The following TRAF2 variants were observed in gnomAD, a reference collection of about 807,000 sequenced individuals.
The protein encoded by TRAF2 is TNF receptor associated factor 2, also known as TNF receptor-associated factor 2.
A neutral mutation model predicts 55.6 loss-of-function variants in TRAF2; 6 were observed. The ratio of observed to expected loss-of-function variants is 0.11; its 90% CI spans 0.06 to 0.21. The LOEUF (loss-of-function observed/expected upper bound fraction) is 0.21, where lower values mean the gene tolerates loss of function less well. Among genes scored for constraint, TRAF2 ranks in the 10% least tolerant of loss-of-function variants. TRAF2 has a pLI of 1.00. For missense variants in TRAF2, 561 were observed against 684.5 expected (o/e 0.82, Z 2.01); for synonymous variants, 329 against 276.3 (o/e 1.19, Z -1.89).
chr9:136,926,251 C>T lies in TRAF2; in HGVS notation c.*350C>T, dbSNP rs1487015165. 3 of 414,530 alleles carry T rather than the reference C, an allele frequency of 7.2e-6. No individual in the cohort carries two copies. Among genetic ancestry groups the T allele is most frequent in the African/African-American group, 4.1e-5 (2 of 48,964 alleles). 25.7% of individuals were successfully genotyped at this position (414,530 alleles called of 1,614,324 possible). On this transcript the variant is annotated 3_prime_UTR_variant, in exon 11 of 11. Transcript: ENST00000247668. Reference sequence around the variant, plus strand: ...CACTCAGAGTGGGAGCACATCCCAGCAGTGCCCATGTAGCAGGAGCACAGT... The same window carrying T: ...CACTCAGAGTGGGAGCACATCCCAGTAGTGCCCATGTAGCAGGAGCACAGT...
chr9:136,918,264 TAATTAATTA>T (rs1850294440), intron 7 of TRAF2, among the ~76,000 whole-genome samples: 1 of 12,438 alleles, frequency 8.0e-5, no homozygotes, highest in African/African-American at 4.4e-4. Flanking sequence ...TATATTTATT[TAATTAATTA>T]ATTTATTTAT....
intron 4 of TRAF2, among the ~76,000 whole-genome samples, chr9:136,905,200 C>T (rs1246536082): frequency 2.0e-5 from 3 of 152,244 alleles, no homozygotes; most frequent in Admixed American, 2.0e-4. Flanking sequence ...ATGAAGGGCC[C>T]CGCAGCCAGG....
At chr9:136,924,771 G>A (rs775268408) in intron 10 of TRAF2, among the ~76,000 whole-genome samples, 3 of 151,970 alleles carry the variant, frequency 2.0e-5, no homozygotes, top group Non-Finnish European at 2.9e-5. Context: ...ACGGAGTCTT[G>A]CTCTGTCGCC....
chr9:136,902,205 C>T (rs188933322), intron 4 of TRAF2: 2 of 152,302 alleles, frequency 1.3e-5, no homozygotes, highest in African/African-American at 2.4e-5. Flanking sequence ...TTGTACCCCC[C>T]ACTCCCTGCT....
At chr9:136,899,995 ATC>A (rs1189966047) in intron 3 of TRAF2, among the ~76,000 whole-genome samples, 1 of 152,120 alleles carries the variant, frequency 6.6e-6, no homozygotes, top group African/African-American at 2.4e-5. Context: ...GTGAAACCCC[ATC>A]TCTACCAGAA....
At chr9:136,920,574 G>A (rs544435338) in intron 8 of TRAF2, 59 bp downstream of exon 8, 43 of 1,527,360 alleles carry the variant, frequency 2.8e-5, no homozygotes, top group Middle Eastern at 1.8e-4. Context: ...GATAGTGTTC[G>A]TGCCCCAGCA....
At chr9:136,908,709 A>G (rs1309522437) in intron 5 of TRAF2, among the ~76,000 whole-genome samples, 1 of 152,080 alleles carries the variant, frequency 6.6e-6, no homozygotes, top group Non-Finnish European at 1.5e-5. Flanking sequence ...TACTAAAAAT[A>G]CAAAAACAAA....
intron 1 of TRAF2, among the ~76,000 whole-genome samples, chr9:136,886,959 C>T (rs1377626833): frequency 2.0e-5 from 3 of 152,176 alleles, no homozygotes; most frequent in Non-Finnish European, 4.4e-5. Context: ...TCCCCGAAGC[C>T]CCGCACCCTC....
At chr9:136,910,971 C>G (rs900560588) in intron 6 of TRAF2, among the ~76,000 whole-genome samples, 7 of 152,234 alleles carry the variant, frequency 4.6e-5, no homozygotes, top group Non-Finnish European at 8.8e-5. Flanking sequence ...CCTTCAGAGG[C>G]CAGGACGCCT....
chr9:136,902,954 T>C (rs1849855784), intron 4 of TRAF2, among the ~76,000 whole-genome samples: 1 of 148,798 alleles, frequency 6.7e-6, no homozygotes, highest in Non-Finnish European at 1.5e-5. Flanking sequence ...TTCTAGGAAC[T>C]GAATGATTTT....
chr9:136,899,813 C>A, intron 3 of TRAF2, 141 bp downstream of exon 3: 1 of 736,636 alleles, frequency 1.4e-6, no homozygotes, highest in South Asian at 1.7e-5. Context: ...TTGCTTGAGT[C>A]CAGGAGTTTG....
intron 7 of TRAF2, among the ~76,000 whole-genome samples, chr9:136,917,459 TTG>T (rs1850269577): frequency 6.6e-6 from 1 of 152,184 alleles, no homozygotes. Flanking sequence ...CCTCGTGTCT[TTG>T]TCTCTTGTCC....
chr9:136,923,734 G>A (rs11794110), intron 9 of TRAF2, 118 bp from the exon 10 acceptor site: 1 of 1,031,408 alleles, frequency 9.7e-7, no homozygotes, highest in South Asian at 1.7e-5. Context: ...TTGCACCCCA[G>A]AACCTGAATG....
At chr9:136,912,210 G>C (rs1850131996) in intron 6 of TRAF2, among the ~76,000 whole-genome samples, 1 of 124,080 alleles carries the variant, frequency 8.1e-6, no homozygotes, top group South Asian at 2.7e-4. Flanking sequence ...TCGTCAGGCT[G>C]GAAGTGCAGT....
rs569584225 is a variant in TRAF2, at chr9:136,912,150, CCCTTTTTTTTTTTTT to C, written c.603+2157_603+2171del. ...TACAGGCGTGAGCCACTGCGTCTGG[CCCTTTTTTTTTTTTT>C]TTTTTTTTTTTTTTGGAGACAGAGT... On this transcript the variant is annotated intron_variant, in intron 6 of 10. Transcript: ENST00000247668. 2.5e-3 allele frequency among the ~76,000 whole-genome samples: 319 copies of C among 125,100 alleles called. 2 individuals carry two copies. The highest frequency in any genetic ancestry group is 0.01 in the African/African-American group (305 of 29,800). 82.1% of individuals were successfully genotyped at this position (125,100 alleles called of 152,430 possible).
chr9:136,899,612 T>C lies in TRAF2; in HGVS notation c.207T>C (p.Cys69=). The C allele has an allele frequency of 6.2e-7, 1 of 1,613,444 alleles. No individual in the cohort carries two copies. The highest frequency in any genetic ancestry group is 1.7e-4 in the Middle Eastern group (1 of 6,058). ...CCACTAGCTCTGGGCCTCAGAACTG[T>C]GCTGCCTGTGTTCACGAGGGCATAT... ...ASILSSGPQN[C]AACVHEGIYE... Residue 69 remains cysteine (C), a synonymous_variant, in exon 3 of 11, where the codon TGT becomes TGC. Transcript: ENST00000247668.
intron 6 of TRAF2, among the ~76,000 whole-genome samples, chr9:136,913,215 T>A (rs1253436345): frequency 1.3e-5 from 2 of 152,148 alleles, no homozygotes; most frequent in Non-Finnish European, 2.9e-5. Flanking sequence ...GGCCACCTGT[T>A]TCTTCGAAGC....
At chr9:136,922,359 T>G (rs1372846624) in intron 9 of TRAF2, 2 of 152,374 alleles carry the variant, frequency 1.3e-5, no homozygotes, top group African/African-American at 4.8e-5. Flanking sequence ...CACTGCTTTC[T>G]GGTGGCGACC....
At chr9:136,894,344 T>A (rs1029927597) in intron 1 of TRAF2, among the ~76,000 whole-genome samples, 9 of 152,266 alleles carry the variant, frequency 5.9e-5, no homozygotes, top group African/African-American at 1.9e-4. Context: ...CGCACCTGGC[T>A]GGTAGTGGCC....
Sources: allele counts gnomAD v4.1 joint callset (sites outside exome capture counted in the v4.1 genomes callset), GRCh38; gene constraint gnomAD v4.1.1; transcripts MANE v1.5; gene names NCBI Gene and HGNC (gene_info 2026-07-23, HGNC 2026-07-21).